The following CELF2 variants were observed in gnomAD, a reference collection of about 807,000 sequenced individuals.
CELF2 encodes the protein CUGBP Elav-like family member 2, also known as CUG triplet repeat RNA-binding protein 2.
A neutral mutation model predicts 62.6 loss-of-function variants in CELF2; 8 were observed. The observed-to-expected ratio is 0.13, with a 90% CI of 0.07 to 0.23. The LOEUF (loss-of-function observed/expected upper bound fraction) is 0.23. CELF2 is among the 10% of genes least tolerant of loss of function. The probability of loss-of-function intolerance (pLI) is 1.00; values close to 1 mark genes in which losing one functional copy is unlikely to be tolerated. For missense variants in CELF2, 333 were observed against 671.0 expected (o/e 0.50, Z 5.56); for synonymous variants, 258 against 250.0 (o/e 1.03, Z -0.30).
rs1057399950 is a variant in CELF2 at position 10,936,884 on chromosome 10, T to G, written c.89+16885T>G. Among the ~76,000 whole-genome samples the G allele has an allele frequency of 1.3e-5, 2 of 152,174 alleles. No homozygotes were observed. The highest frequency in any genetic ancestry group is 2.9e-5 in the Non-Finnish European group (2 of 68,028). On this transcript the variant is annotated intron_variant, in intron 2 of 13. Transcript: ENST00000636488. This position sits in a 1 kb window ranked among gnomAD's most constrained non-coding sequence, Gnocchi z 4.0. ...GGCAAAACCTGAAATTCTGTATTTCTGACAAGCTCCCACGGGGTTTCTGAT... is the reference window on the plus strand; with the variant it reads ...GGCAAAACCTGAAATTCTGTATTTCGGACAAGCTCCCACGGGGTTTCTGAT...
At chr10:11,275,392 C>T (rs1471184176) in intron 8 of CELF2, among the ~76,000 whole-genome samples, 1 of 152,154 alleles carries the variant, frequency 6.6e-6, no homozygotes, top group African/African-American at 2.4e-5. Context: ...ATGATTATAT[C>T]AACGACTCTC....
At chr10:10,691,128 G>A in the CELF2 span, among the ~76,000 whole-genome samples, 3 of 151,698 alleles carry the variant, frequency 2.0e-5, no homozygotes, top group Non-Finnish European at 4.4e-5. Context: ...CTAGCATTAG[G>A]TATATCTCCC....
chr10:11,168,425 G>A (rs548980305), intron 2 of CELF2, among the ~76,000 whole-genome samples: 4 of 152,270 alleles, frequency 2.6e-5, no homozygotes, highest in South Asian at 4.1e-4. Context: ...GCCCTTAGCC[G>A]CTTACCTAGA....
intron 1 of CELF2, among the ~76,000 whole-genome samples, chr10:11,056,027 T>G (rs1205345257): frequency 6.6e-6 from 1 of 152,200 alleles, no homozygotes; most frequent in African/African-American, 2.4e-5. Flanking sequence ...AGAAAGTGCA[T>G]TTGTTTGTTT....
chr10:11,179,737 GTCT>G (rs150413461), intron 2 of CELF2, among the ~76,000 whole-genome samples: 2,256 of 152,248 alleles, frequency 0.015, 57 homozygotes, highest in African/African-American at 0.052. Context: ...GCCTGTGACA[GTCT>G]TCTTTTCTTT....
chr10:10,795,320 T>A (rs930466868), upstream of CELF2, among the ~76,000 whole-genome samples: 3 of 152,128 alleles, frequency 2.0e-5, no homozygotes, highest in Admixed American at 2.0e-4. Context: ...AAAAAATTTT[T>A]TTTTTATGTA....
chr10:10,748,408 T>C, the CELF2 span, among the ~76,000 whole-genome samples: 1 of 152,166 alleles, frequency 6.6e-6, no homozygotes, highest in Non-Finnish European at 1.5e-5. Context: ...GTGCAAATTA[T>C]GTTGCTTTCA....
At chr10:10,813,027 A>G (rs1275919093) in intron 1 of CELF2, among the ~76,000 whole-genome samples, 1 of 152,202 alleles carries the variant, frequency 6.6e-6, no homozygotes, top group African/African-American at 2.4e-5. Context: ...CCCGAATCCC[A>G]CCTCTGAGTG....
At chr10:10,650,413 C>T in the CELF2 span, among the ~76,000 whole-genome samples, 1 of 152,140 alleles carries the variant, frequency 6.6e-6, no homozygotes, top group South Asian at 2.1e-4. Context: ...AAATATTTTC[C>T]ATAATTTTTC....
chr10:10,886,332 A>G (rs1006389446), intron 1 of CELF2, among the ~76,000 whole-genome samples: 22 of 152,238 alleles, frequency 1.4e-4, no homozygotes, highest in African/African-American at 5.1e-4. Context: ...CAAAATGATA[A>G]TATAATATAA....
intron 1 of CELF2, chr10:10,917,862 G>C (rs746948014): frequency 4.6e-5 from 7 of 152,182 alleles, no homozygotes; most frequent in Non-Finnish European, 1.0e-4. Context: ...TTTGAGAAAT[G>C]CTCCACTGTG....
At chr10:11,273,317 C>T (rs1239362349) in intron 7 of CELF2, among the ~76,000 whole-genome samples, 1 of 152,144 alleles carries the variant, frequency 6.6e-6, no homozygotes, top group Non-Finnish European at 1.5e-5. Flanking sequence ...AGCCCCACCT[C>T]CCGTCAGATC....
At chr10:10,543,741 A>G in the CELF2 span, among the ~76,000 whole-genome samples, 1 of 145,282 alleles carries the variant, frequency 6.9e-6, no homozygotes, top group African/African-American at 2.6e-5. Flanking sequence ...CCTGGGCAAC[A>G]AGAGAGAAAC....
the CELF2 span, among the ~76,000 whole-genome samples, chr10:10,715,791 G>A: frequency 1.3e-5 from 2 of 152,250 alleles, no homozygotes; most frequent in African/African-American, 4.8e-5. Context: ...TCTCTGGGAA[G>A]CATAAATAGC....
the CELF2 span, among the ~76,000 whole-genome samples, chr10:10,652,016 G>C: frequency 2.0e-5 from 3 of 150,850 alleles, no homozygotes; most frequent in Non-Finnish European, 4.4e-5. Flanking sequence ...CCAATACAGA[G>C]AAGTGCTTAA....
chr10:11,033,490 C>T (rs2060468796), intron 1 of CELF2, among the ~76,000 whole-genome samples: 1 of 152,196 alleles, frequency 6.6e-6, no homozygotes, highest in Non-Finnish European at 1.5e-5. Flanking sequence ...CTCCCGACCT[C>T]AGGTGATCCG....
chr10:10,743,192 C>T, the CELF2 span, among the ~76,000 whole-genome samples: 3 of 152,162 alleles, frequency 2.0e-5, no homozygotes, highest in African/African-American at 7.2e-5. Context: ...AAAAGAAAGT[C>T]CCTCTGATTT....
Position 11,117,846 on chromosome 10 carries a change from G to A in CELF2, c.75-47640G>A, listed in dbSNP as rs2056886634. ...ATCTTGTAAAAGCTAACTCATGCATGCACAACATGATAGGCCATGTCACTC... is the reference window on the plus strand; with the variant it reads ...ATCTTGTAAAAGCTAACTCATGCATACACAACATGATAGGCCATGTCACTC... On this transcript the variant is annotated intron_variant, in intron 1 of 12. Coordinates refer to ENST00000633077, the MANE Select transcript of CELF2 (RefSeq NM_001326342.2). The surrounding 1 kb of genome is among the most constrained non-coding windows in gnomAD (Gnocchi z 4.1). 6.6e-6 allele frequency among the ~76,000 whole-genome samples: 1 copy of A among 152,254 alleles called. No individual in the cohort carries two copies. The highest frequency in any genetic ancestry group is 1.5e-5 in the Non-Finnish European group (1 of 68,018).
chr10:10,589,105 T>C, the CELF2 span, among the ~76,000 whole-genome samples: 83 of 152,286 alleles, frequency 5.5e-4, no homozygotes, highest in Non-Finnish European at 1.0e-3. Context: ...CATCAATTAA[T>C]AGATGTACGA....
Sources: allele counts gnomAD v4.1 joint callset (sites outside exome capture counted in the v4.1 genomes callset), GRCh38; gene constraint gnomAD v4.1.1; non-coding constraint Gnocchi (gnomAD v3.1); transcripts MANE v1.5; gene names NCBI Gene and HGNC (gene_info 2026-07-23, HGNC 2026-07-21).